The following EXD1 variants were observed in gnomAD, a reference collection of about 807,000 sequenced individuals.
The protein encoded by EXD1 is piRNA biogenesis protein EXD1.
Under a neutral mutation model 49.1 loss-of-function variants are expected in EXD1, and 63 were observed. The ratio of observed to expected loss-of-function variants is 1.28; its 90% CI spans 1.05 to 1.58. EXD1 has a LOEUF of 1.58. Among genes scored for constraint, EXD1 ranks in the 40% most tolerant of loss-of-function variants. The pLI is 0.00. For missense variants in EXD1, 748 were observed against 666.0 expected (o/e 1.12, Z -1.36); for synonymous variants, 234 against 239.2 (o/e 0.98, Z 0.20).
intron 3 of EXD1, among the ~76,000 whole-genome samples, chr15:41,218,338 T>A (rs748538108): frequency 4.0e-5 from 6 of 151,700 alleles, no homozygotes; most frequent in Non-Finnish European, 5.9e-5. Flanking sequence ...TACAAAAAAA[T>A]TAGCTGGGTG....
At chr15:41,209,961 G>A (rs187803973) in intron 6 of EXD1, among the ~76,000 whole-genome samples, 10 of 152,276 alleles carry the variant, frequency 6.6e-5, no homozygotes, top group Non-Finnish European at 2.9e-5. Flanking sequence ...AGGCTGGAGT[G>A]CAATGGCACG....
chr15:41,204,667 G>C (rs532373336), intron 7 of EXD1, among the ~76,000 whole-genome samples: 1 of 152,084 alleles, frequency 6.6e-6, no homozygotes, highest in Admixed American at 6.6e-5. Flanking sequence ...GGAGTTCAAG[G>C]CTGAAGTGAG....
At chr15:41,208,163 G>T (rs72737786) in intron 7 of EXD1, among the ~76,000 whole-genome samples, 32,131 of 151,638 alleles carry the variant, frequency 0.21, 3,676 homozygotes, top group Non-Finnish European at 0.26. Flanking sequence ...ACTCTCTTTT[G>T]TTTTGGTAGA....
intron 3 of EXD1, among the ~76,000 whole-genome samples, chr15:41,218,718 A>C (rs991748670): frequency 1.3e-5 from 2 of 152,044 alleles, no homozygotes; most frequent in African/African-American, 4.8e-5. Flanking sequence ...CACAATTAAG[A>C]ACTCCAACTA....
chr15:41,189,464 C>T (rs2046470053), intron 11 of EXD1, among the ~76,000 whole-genome samples: 1 of 151,502 alleles, frequency 6.6e-6, no homozygotes, highest in South Asian at 2.1e-4. Flanking sequence ...GAGTTTGAGA[C>T]CAGCCTGGCC....
Position 41,202,917 on chromosome 15 carries a change from CAAA to C in EXD1, c.534+6581_534+6583del, listed in dbSNP as rs1167336132. Reference sequence around the variant, plus strand: ...TAGGTGACAGAGCAAGACTCTGTCTCAAAAAAAAAAAAAAAAAAGCGAACCCCT... The same window carrying C: ...TAGGTGACAGAGCAAGACTCTGTCTCAAAAAAAAAAAAAAAGCGAACCCCT... On this transcript the variant is annotated intron_variant, in intron 7 of 11. Coordinates refer to ENST00000458580, the MANE Select transcript of EXD1 (RefSeq NM_001286441.2). 6.3e-3 allele frequency among the ~76,000 whole-genome samples: 564 copies of C among 89,472 alleles called. 2 individuals are homozygous for C. The highest frequency in any genetic ancestry group is 0.035 in the South Asian group (92 of 2,644). The allele number at this position is 89,472 out of a possible 152,430, so 58.7% of individuals were successfully genotyped here. A position where few individuals can be genotyped will look rare whatever the true frequency, so the allele number is the denominator to read the frequency against.
In EXD1 at chr15:41,184,459, T is replaced by G; in HGVS notation, c.1191A>C (p.Lys397Asn). ...CTTTCCCTGCTGTCTCTGTCACTAA[T>G]TTCTTTGGCTGTAGCACTGTCCTTA... ...LLIRTVLQPK[K>N]LVTETAGKEE... The change falls in exon 12 of 12, where the codon AAA (lysine) becomes AAC (asparagine). Residue 397 changes from lysine (K) to asparagine (N), a missense_variant. Physicochemically the swap from Lys to Asn is moderately conservative, Grantham distance 94. Transcript: ENST00000458580. The G allele has an allele frequency of 6.2e-7, 1 of 1,614,192 alleles. No individual in the cohort carries two copies. The highest frequency in any genetic ancestry group is 8.5e-7 in the Non-Finnish European group (1 of 1,180,040).
At chr15:41,188,934 A>G (rs774540066) in intron 11 of EXD1, among the ~76,000 whole-genome samples, 128 of 150,186 alleles carry the variant, frequency 8.5e-4, no homozygotes, top group Admixed American at 1.3e-3. Flanking sequence ...TCCTGAGTAG[A>G]TGGGATTACA....
Position 41,191,445 on chromosome 15 carries a change from A to G in EXD1, c.861T>C (p.Ile287=). Residue 287 remains isoleucine, a synonymous_variant, in exon 10 of 12, where the codon ATT becomes ATC. Coordinates refer to ENST00000458580, the MANE Select transcript of EXD1 (RefSeq NM_001286441.2). ...LSFLEKRQKL[I]QENPEVWFIR... ...ACAGGACATCCTTTACACCCACCTG[A>G]ATTAGTTTTTGTCTCTTTTCTAGAA... The G allele has an allele frequency of 6.2e-7, 1 of 1,606,886 alleles. No individual in the cohort carries two copies. Among genetic ancestry groups the G allele is most frequent in the East Asian group, 2.2e-5 (1 of 44,800 alleles).
rs72737796 is a variant in EXD1 at position 41,228,313 on chromosome 15, G to C, written c.-53-1685C>G. Among the ~76,000 whole-genome samples, 720 of 152,270 alleles carry C rather than the reference G, an allele frequency of 4.7e-3. 4 individuals carry two copies. Among genetic ancestry groups the C allele is most frequent in the Non-Finnish European group, 8.4e-3 (568 of 68,016 alleles). On this transcript the variant is annotated intron_variant, in intron 1 of 11. Transcript: ENST00000458580. ...AGCCTAAGTCAACTAGGAAGAAGGT[G>C]AGATGTTACATACAATTTTCGGTCA...
At chr15:41,224,931 G>T (rs2047138953) in intron 2 of EXD1, among the ~76,000 whole-genome samples, 1 of 151,954 alleles carries the variant, frequency 6.6e-6, no homozygotes, top group Non-Finnish European at 1.5e-5. Context: ...CCATACCATT[G>T]CAATCCAGCC....
intron 7 of EXD1, among the ~76,000 whole-genome samples, chr15:41,207,194 T>C (rs1016666217): frequency 1.3e-5 from 2 of 150,970 alleles, no homozygotes; most frequent in Admixed American, 6.6e-5. Flanking sequence ...TGAGCTGAGA[T>C]TGTGCCATTG....
intron 3 of EXD1, among the ~76,000 whole-genome samples, chr15:41,219,290 T>G (rs1419076207): frequency 6.6e-6 from 1 of 152,166 alleles, no homozygotes; most frequent in Non-Finnish European, 1.5e-5. Flanking sequence ...AAAATTTTGT[T>G]GTAACTCTTG....
At chr15:41,194,739 G>A (rs2046583772) in intron 9 of EXD1, among the ~76,000 whole-genome samples, 1 of 152,100 alleles carries the variant, frequency 6.6e-6, no homozygotes, top group Non-Finnish European at 1.5e-5. Flanking sequence ...ATATGCCAAG[G>A]TCTTCATTAG....
chr15:41,216,640 A>G (rs1270852842), intron 5 of EXD1, 28 bp downstream of exon 5: 2 of 1,585,866 alleles, frequency 1.3e-6, no homozygotes, highest in Non-Finnish European at 1.7e-6. Context: ...TCAAAAAAAA[A>G]AAGAAAATTC....
At chr15:41,188,451 G>A (rs1217271936) in intron 11 of EXD1, among the ~76,000 whole-genome samples, 1 of 151,430 alleles carries the variant, frequency 6.6e-6, no homozygotes, top group Admixed American at 6.6e-5. Context: ...GGAGTGCAGT[G>A]GCAGAATCTC....
chr15:41,197,739 C>G (rs570824326), intron 7 of EXD1, among the ~76,000 whole-genome samples: 110 of 151,494 alleles, frequency 7.3e-4, no homozygotes, highest in Non-Finnish European at 1.2e-3. Context: ...AAGTGATTCT[C>G]CTGCCTCCTG....
intron 2 of EXD1, among the ~76,000 whole-genome samples, chr15:41,223,456 C>G (rs2047119518): frequency 6.6e-6 from 1 of 151,790 alleles, no homozygotes; most frequent in Non-Finnish European, 1.5e-5. Flanking sequence ...TGTGGTGGCT[C>G]ATGCCTATAA....
At position 41,183,841 on chromosome 15, in the gene EXD1, T is replaced by G; in HGVS notation, c.*90A>C. ...CCCTGTGACTGAAGCATTACTACAT[T>G]TACAACATGAGAAACCTGGGCACTG... On this transcript the variant is annotated 3_prime_UTR_variant, in exon 12 of 12. Transcript: ENST00000458580. 7.6e-7 allele frequency: 1 copy of G among 1,318,608 alleles called. No homozygotes were observed. The highest frequency in any genetic ancestry group is 2.5e-5 in the Admixed American group (1 of 40,532). The allele number at this position is 1,318,608 out of a possible 1,614,324, so 81.7% of individuals were successfully genotyped here.
Sources: gnomAD v4.1 joint callset for allele counts (sites outside exome capture counted in the v4.1 genomes callset) on GRCh38, gnomAD v4.1.1 for gene constraint, MANE v1.5 for transcripts, NCBI Gene and HGNC (gene_info 2026-07-23, HGNC 2026-07-21) for gene names.